Variants in COL4A1 observed in about 807,000 individuals in gnomAD.
COL4A1 encodes the protein collagen type IV alpha 1 chain.
Under a neutral mutation model 216.6 loss-of-function variants are expected in COL4A1, and 40 were observed. The ratio of observed to expected loss-of-function variants is 0.18; its 90% CI spans 0.14 to 0.24. COL4A1 has a LOEUF of 0.24. COL4A1 is among the 10% of genes least tolerant of loss of function. The pLI, the probability that COL4A1 is intolerant of heterozygous loss-of-function variation, is 1.00. For synonymous variants in COL4A1, 839 were observed against 810.7 expected (o/e 1.03, Z -0.59); for missense variants, 1,628 against 2,196.8 (o/e 0.74, Z 5.18).
At chr13:110,283,436 C>T (rs1883717941) in intron 1 of COL4A1, among the ~76,000 whole-genome samples, 1 of 152,190 alleles carries the variant, frequency 6.6e-6, no homozygotes, top group South Asian at 2.1e-4. Context: ...ATGATGTAAA[C>T]TCACTAAGAA....
intron 2 of COL4A1, among the ~76,000 whole-genome samples, chr13:110,217,313 T>C (rs1880134339): frequency 1.3e-5 from 2 of 152,240 alleles, no homozygotes; most frequent in Admixed American, 1.3e-4. Flanking sequence ...GCAAAGGTTA[T>C]TGGAGCTAGC....
chr13:110,200,331 G>A (rs1194051094), intron 20 of COL4A1, among the ~76,000 whole-genome samples: 1 of 152,244 alleles, frequency 6.6e-6, no homozygotes, highest in African/African-American at 2.4e-5. Flanking sequence ...CGTCTGGAGT[G>A]ACTGGAGAAT....
Position 110,203,586 on chromosome 13 carries a change from G to A in COL4A1, c.979C>T (p.Pro327Ser), listed in dbSNP as rs1317287343. The A allele has an allele frequency of 6.2e-7, 1 of 1,614,114 alleles. No individual in the cohort carries two copies. Among genetic ancestry groups the A allele is most frequent in the Non-Finnish European group, 8.5e-7 (1 of 1,180,032 alleles). The part of the protein sequence containing the change: ...GPQGEKGEAG[P>S]PGPPGIVIGT... Reference sequence around the variant, plus strand: ...CTCACAATTCCAGGTGGGCCAGGAGGACCTGCTTCACCCTTTTCTCCCTAC... The same window carrying A: ...CTCACAATTCCAGGTGGGCCAGGAGAACCTGCTTCACCCTTTTCTCCCTAC... The change falls in exon 18 of 52, where the codon CCT (proline) becomes TCT (serine). Residue 327 changes from proline (P) to serine (S), a missense_variant. Pro to Ser is a moderately conservative substitution (Grantham distance 74, BLOSUM62 -1). Transcript: ENST00000375820.
In COL4A1 at chr13:110,183,257, T is replaced by C. The variant is rs1221628480; in HGVS notation, c.1917A>G (p.Gly639=). The change falls in exon 27 of 52, where the codon GGA becomes GGG. Residue 639 remains glycine, a synonymous_variant. Coordinates refer to ENST00000375820, the MANE Select transcript of COL4A1 (RefSeq NM_001845.6). ...GGGGGCCTGGTAAAGGAACAATTTT[T>C]CCTGGTTCACCCTTTGGACCTAGAG... The part of the protein sequence containing the change: ...PGLPGPKGEP[G]KIVPLPGPPG... The C allele has an allele frequency of 6.2e-7, 1 of 1,613,332 alleles. No individual in the cohort carries two copies. Among genetic ancestry groups the C allele is most frequent in the Non-Finnish European group, 8.5e-7 (1 of 1,179,958 alleles).
chr13:110,249,355 T>C (rs1297030015), intron 1 of COL4A1, among the ~76,000 whole-genome samples: 1 of 152,110 alleles, frequency 6.6e-6, no homozygotes, highest in Admixed American at 6.6e-5. Flanking sequence ...AAAAGGGACG[T>C]GCTTAAGCCT....
rs765239658 is a variant in COL4A1 at position 110,176,943 on chromosome 13, G to A, written c.2811C>T (p.Ser937=). ...TGCTGCCCATGTCCACCTTATCCAT[G>A]GAGCCAGGCTTGCCAGGGAGACCGA... The part of the protein sequence containing the change: ...GDVGLPGKPG[S]MDKVDMGSMK... Residue 937 remains serine, a synonymous_variant, in exon 34 of 52, where the codon TCC becomes TCT. Transcript: ENST00000375820. 1.9e-6 allele frequency: 3 copies of A among 1,614,158 alleles called. No individual in the cohort carries two copies. In the East Asian group the frequency reaches 6.7e-5, roughly 36 times the overall value.
At chr13:110,155,235 G>A (rs753023231) in intron 50 of COL4A1, 48 bp downstream of exon 50, 7 of 1,404,238 alleles carry the variant, frequency 5.0e-6, no homozygotes, top group Admixed American at 3.3e-5. Context: ...ACTATGGGGC[G>A]TGAGTGGGGC....
chr13:110,192,393 T>TCCAAGCAATCA, intron 23 of COL4A1, 109 bp from the exon 24 acceptor site: 1 of 1,025,538 alleles, frequency 9.8e-7, no homozygotes, highest in Non-Finnish European at 1.5e-6. Flanking sequence ...AAGTGGATGA[T>TCCAAGCAATCA]TGCTTGGATA....
In COL4A1 at chr13:110,230,782, C is replaced by T. The variant is rs576961594; in HGVS notation, c.144+11893G>A. Among the ~76,000 whole-genome samples the T allele has an allele frequency of 7.9e-5, 12 of 152,368 alleles. No homozygotes were observed. The East Asian group carries it at 2.1e-3, about 27-fold the overall frequency. ...CTGACAGGCAGGACACCTGTGGAGC[C>T]ACGGTCTCCTGTGAAGAAATGCAGG... On this transcript the variant is annotated intron_variant, in intron 2 of 51. Coordinates refer to ENST00000375820, the MANE Select transcript of COL4A1 (RefSeq NM_001845.6).
chr13:110,213,444 T>C (rs960146315), intron 4 of COL4A1, among the ~76,000 whole-genome samples: 1 of 152,226 alleles, frequency 6.6e-6, no homozygotes, highest in Non-Finnish European at 1.5e-5. Flanking sequence ...AAGTCATCTC[T>C]GTCTAATGAC....
rs577341303 is a variant in COL4A1, at chr13:110,209,715, C to A, written c.615+265G>T. On this transcript the variant is annotated intron_variant, in intron 10 of 51. Coordinates refer to ENST00000375820, the MANE Select transcript of COL4A1 (RefSeq NM_001845.6). ...CACAGGCTGTGACTATCAGCAGTAC[C>A]CCGCCAGCCCCTTCAACCATGACTG... 1.7e-4 allele frequency: 123 copies of A among 705,884 alleles called. 1 individual carries two copies. In the East Asian group the frequency reaches 2.9e-3, roughly 17 times the overall value. 43.7% of individuals were successfully genotyped at this position (705,884 alleles called of 1,614,324 possible).
In COL4A1 at chr13:110,161,064, T is replaced by C. The variant is rs1877060657; in HGVS notation, c.4640+128A>G. 6 of 1,014,646 alleles carry C rather than the reference T, an allele frequency of 5.9e-6. No homozygotes were observed. In the Admixed American group the frequency reaches 1.3e-4, roughly 22 times the overall value. 62.9% of individuals were successfully genotyped at this position (1,014,646 alleles called of 1,614,324 possible). On this transcript the variant is annotated intron_variant, in intron 49 of 51. Transcript: ENST00000375820. Reference sequence around the variant, plus strand: ...GTAGATTTCCATTACAAAACTCGAATATCACAAATAATAAGCTAAATGGCA... The same window carrying C: ...GTAGATTTCCATTACAAAACTCGAACATCACAAATAATAAGCTAAATGGCA...
chr13:110,160,566 G>A (rs555428560), intron 49 of COL4A1, among the ~76,000 whole-genome samples: 4 of 152,266 alleles, frequency 2.6e-5, no homozygotes, highest in Admixed American at 2.0e-4. Context: ...CTGTTCCAAC[G>A]CTTGCTGAAG....
Position 110,242,669 on chromosome 13 carries a change from A to G in COL4A1, c.144+6T>C. Reference sequence around the variant, plus strand: ...AAATGTTGTGATTTAAATTTCGGCAACTCACCTTTTGTCCCTTCACTCCAT... The same window carrying G: ...AAATGTTGTGATTTAAATTTCGGCAGCTCACCTTTTGTCCCTTCACTCCAT... On this transcript the variant is annotated splice_donor_region_variant and intron_variant, in intron 2 of 51. Coordinates refer to ENST00000375820, the MANE Select transcript of COL4A1 (RefSeq NM_001845.6). 6.2e-7 allele frequency: 1 copy of G among 1,614,130 alleles called. No homozygotes were observed. Among genetic ancestry groups the G allele is most frequent in the Non-Finnish European group, 8.5e-7 (1 of 1,180,010 alleles).
chr13:110,152,650 T>C, intron 50 of COL4A1, 144 bp from the exon 51 acceptor site: 2 of 1,058,210 alleles, frequency 1.9e-6, no homozygotes, highest in Non-Finnish European at 2.8e-6. Context: ...GGACACACTC[T>C]GTGCCCAAAT....
intron 28 of COL4A1, among the ~76,000 whole-genome samples, chr13:110,182,141 C>T (rs1000378144): frequency 2.6e-5 from 4 of 152,178 alleles, no homozygotes; most frequent in African/African-American, 9.7e-5. Flanking sequence ...GTGACGAGGC[C>T]TCAGCGCCTG....
intron 1 of COL4A1, among the ~76,000 whole-genome samples, chr13:110,261,804 C>T (rs370187547): frequency 5.9e-5 from 9 of 152,210 alleles, no homozygotes; most frequent in Middle Eastern, 3.2e-3. Context: ...CCTCTGCCAC[C>T]CCGGGCCTGG....
intron 1 of COL4A1, among the ~76,000 whole-genome samples, chr13:110,291,705 C>A (rs1386486897): frequency 6.6e-6 from 1 of 152,220 alleles, no homozygotes; most frequent in African/African-American, 2.4e-5. Context: ...TGTGACCAGA[C>A]CCGGCTTCTT....
At chr13:110,220,096 C>T (rs186310373) in intron 2 of COL4A1, among the ~76,000 whole-genome samples, 424 of 151,604 alleles carry the variant, frequency 2.8e-3, no homozygotes, top group Middle Eastern at 6.8e-3. Context: ...TGCCACCATG[C>T]GCCGCTAATT....
Sources: allele counts gnomAD v4.1 joint callset (sites outside exome capture counted in the v4.1 genomes callset), GRCh38; gene constraint gnomAD v4.1.1; transcripts MANE v1.5; gene names NCBI Gene and HGNC (gene_info 2026-07-23, HGNC 2026-07-21).